Variants in NMD3 observed in about 807,000 individuals in gnomAD.
NMD3 encodes 60S ribosomal export protein NMD3.
A neutral mutation model predicts 73.1 loss-of-function variants in NMD3; 47 were observed. The observed-to-expected ratio is 0.64, with a 90% CI of 0.51 to 0.82. NMD3 has a LOEUF of 0.82. Ranked by LOEUF, NMD3 falls within the 40% of genes least tolerant of loss-of-function variation. The pLI, the probability that NMD3 is intolerant of heterozygous loss-of-function variation, is 0.00. For missense variants in NMD3, 554 were observed against 612.5 expected, an observed-to-expected ratio of 0.90 and a Z score of 1.01; for synonymous variants, 210 against 194.5, an observed-to-expected ratio of 1.08 and a Z score of -0.66.
chr3:161,230,462 TATAACTG>T (rs1278987601), intron 4 of NMD3, among the ~76,000 whole-genome samples: 5 of 152,124 alleles, frequency 3.3e-5, no homozygotes, highest in African/African-American at 1.2e-4. Flanking sequence ...AGATGGTATA[TATAACTG>T]TATTTGTAAG....
chr3:161,248,490 C>T (rs894468115), intron 13 of NMD3, among the ~76,000 whole-genome samples: 16 of 151,818 alleles, frequency 1.1e-4, no homozygotes, highest in Non-Finnish European at 2.4e-4. Context: ...ATTCCGTCTC[C>T]AAAAGATAAA....
chr3:161,230,595 A>T (rs1415774217), intron 4 of NMD3, among the ~76,000 whole-genome samples: 1 of 152,206 alleles, frequency 6.6e-6, no homozygotes, highest in Admixed American at 6.5e-5. Context: ...TAGTGAAAGA[A>T]TACATTTATT....
chr3:161,227,267 C>G lies in NMD3; in HGVS notation c.200C>G (p.Thr67Ser). 1 of 1,600,502 alleles carries G rather than the reference C, an allele frequency of 6.2e-7. No individual in the cohort carries two copies. The highest frequency in any genetic ancestry group is 2.3e-5 in the East Asian group (1 of 44,038). Reference protein sequence around the residue: ...QCQRYFQPPGTWIQCALESRE... With the variant: ...QCQRYFQPPGSWIQCALESRE... Reference sequence around the variant, plus strand: ...TTTAGGTATTTTCAACCACCAGGAACTTGGATACAGTGTGCTTTAGAATCC... The same window carrying G: ...TTTAGGTATTTTCAACCACCAGGAAGTTGGATACAGTGTGCTTTAGAATCC... The change falls in exon 4 of 16, where the codon ACT (threonine) becomes AGT (serine). Residue 67 changes from threonine to serine, a missense_variant. Coordinates refer to ENST00000351193, the MANE Select transcript of NMD3 (RefSeq NM_015938.5).
Position 161,241,112 on chromosome 3 carries a change from T to C in NMD3, c.820T>C (p.Cys274Arg). ...SLGNMNQICVCIRVTSAIHLI... is the reference protein window; with the variant it reads ...SLGNMNQICVRIRVTSAIHLI... ...GGGAAATATGAACCAGATTTGTGTG[T>C]GTATTCGAGTAACCAGTGCCATTCA... Residue 274 changes from cysteine to arginine, a missense_variant, in exon 10 of 16, where the codon TGT (cysteine) becomes CGT (arginine). By Grantham distance (180) the Cys-to-Arg change is radical (BLOSUM62 -3). Transcript: ENST00000351193. 1 of 1,613,498 alleles carries C rather than the reference T, an allele frequency of 6.2e-7. No individual in the cohort carries two copies. The highest frequency in any genetic ancestry group is 1.7e-4 in the Middle Eastern group (1 of 5,980).
chr3:161,221,988 T>TTTTTTTTTTA lies in NMD3; in HGVS notation c.-20-6_-20-5insTTTTTTTTTA. 8.4e-7 allele frequency: 1 copy of TTTTTTTTTTA among 1,191,960 alleles called. No homozygotes were observed. Among genetic ancestry groups the TTTTTTTTTTA allele is most frequent in the African/African-American group, 1.7e-5 (1 of 57,490 alleles). The allele number at this position is 1,191,960 out of a possible 1,614,324, so 73.8% of individuals were successfully genotyped here. A position where few individuals can be genotyped will look rare whatever the true frequency, so the allele number is the denominator to read the frequency against. ...TTTTTTTTTTTTTTTTTTTTTTTTT[T>TTTTTTTTTTA]AAAAGAACTTAAGGCATACAGAACG... On this transcript the variant is annotated splice_region_variant and splice_polypyrimidine_tract_variant and intron_variant, in intron 1 of 15. Transcript: ENST00000351193.
chr3:161,225,611 G>T (rs1736281435), intron 3 of NMD3, among the ~76,000 whole-genome samples: 2 of 152,164 alleles, frequency 1.3e-5, no homozygotes, highest in South Asian at 4.1e-4. Context: ...CATTCCTCTT[G>T]ATTTTCTTTG....
chr3:161,251,181 G>T lies in NMD3; in HGVS notation c.*271G>T. The T allele has an allele frequency of 3.9e-6, 1 of 259,690 alleles. No homozygotes were observed. The highest frequency in any genetic ancestry group is 7.4e-6 in the Non-Finnish European group (1 of 135,128). 16.1% of individuals were successfully genotyped at this position (259,690 alleles called of 1,614,324 possible). ...TTATCACTGTGCTTTTTTATATGAG[G>T]CACTGTAGTATTTTCACATAGTATA... On this transcript the variant is annotated 3_prime_UTR_variant, in exon 16 of 16. Transcript: ENST00000351193.
At chr3:161,237,888 T>C (rs946654725) in intron 7 of NMD3, among the ~76,000 whole-genome samples, 1 of 152,196 alleles carries the variant, frequency 6.6e-6, no homozygotes, top group Non-Finnish European at 1.5e-5. Flanking sequence ...TTTTATTTTT[T>C]CTAGAATTAG....
At chr3:161,226,059 C>T (rs1736301309) in intron 3 of NMD3, among the ~76,000 whole-genome samples, 1 of 152,110 alleles carries the variant, frequency 6.6e-6, no homozygotes, top group Non-Finnish European at 1.5e-5. Context: ...CACAAACTAG[C>T]TGTTTGAAAC....
intron 11 of NMD3, among the ~76,000 whole-genome samples, chr3:161,244,857 C>A (rs1159562356): frequency 6.6e-6 from 1 of 152,002 alleles, no homozygotes; most frequent in Non-Finnish European, 1.5e-5. Flanking sequence ...CCTACTGCCT[C>A]CCTTATAGGA....
intron 3 of NMD3, among the ~76,000 whole-genome samples, chr3:161,226,192 G>A (rs540415638): frequency 6.6e-6 from 1 of 152,170 alleles, no homozygotes; most frequent in South Asian, 2.1e-4. Flanking sequence ...GGTGGCTCAC[G>A]CCTGTAATCC....
intron 13 of NMD3, 92 bp from the exon 14 acceptor site, chr3:161,249,362 C>A: frequency 1.3e-6 from 1 of 743,410 alleles, no homozygotes. Flanking sequence ...TAACCAGTGT[C>A]ATTAGTTTGG....
intron 11 of NMD3, among the ~76,000 whole-genome samples, chr3:161,245,058 A>AT (rs1028203135): frequency 1.3e-5 from 2 of 152,068 alleles, no homozygotes; most frequent in Non-Finnish European, 2.9e-5. Flanking sequence ...TTTATAACCC[A>AT]TATCTGAAAT....
At chr3:161,244,828 C>T (rs934523015) in intron 11 of NMD3, among the ~76,000 whole-genome samples, 2 of 151,804 alleles carry the variant, frequency 1.3e-5, no homozygotes, top group African/African-American at 4.8e-5. Context: ...ACTGTTTTTT[C>T]AGGCTTGTCT....
chr3:161,242,437 C>T, intron 10 of NMD3, 71 bp from the exon 11 acceptor site: 2 of 1,415,756 alleles, frequency 1.4e-6, no homozygotes, highest in Non-Finnish European at 9.8e-7. Context: ...CCAGTTTATT[C>T]TTAGTTAATA....
chr3:161,252,556 G>GC (rs1737532120), downstream of NMD3, among the ~76,000 whole-genome samples: 1 of 152,158 alleles, frequency 6.6e-6, no homozygotes, highest in African/African-American at 2.4e-5. Context: ...TCATCCAAGA[G>GC]CTTGCACAAA....
intron 3 of NMD3, 33 bp from the exon 4 acceptor site, chr3:161,227,214 T>C (rs752772857): frequency 7.5e-7 from 1 of 1,327,210 alleles, no homozygotes; most frequent in Non-Finnish European, 1.1e-6. Context: ...TCCTGACAGA[T>C]GTTGGATTTC....
At chr3:161,249,671 A>G (rs748522579) in intron 14 of NMD3, 111 bp downstream of exon 14, 8 of 726,110 alleles carry the variant, frequency 1.1e-5, no homozygotes, top group Admixed American at 9.0e-5. Context: ...GCACTCAATT[A>G]TAATCTTGGA....
intron 5 of NMD3, 25 bp downstream of exon 5, chr3:161,233,504 C>T: frequency 6.9e-7 from 1 of 1,455,726 alleles, no homozygotes; most frequent in Admixed American, 1.7e-5. Context: ...ATTTTCTCAG[C>T]ATGGTTAAAG....
Sources: allele counts gnomAD v4.1 joint callset (sites outside exome capture counted in the v4.1 genomes callset), GRCh38; gene constraint gnomAD v4.1.1; transcripts MANE v1.5; gene names NCBI Gene and HGNC (gene_info 2026-07-23, HGNC 2026-07-21).